The following KLHL1 variants were observed in gnomAD, a reference collection of about 807,000 sequenced individuals.
KLHL1 encodes the protein kelch-like protein 1.
Under a neutral mutation model 77.7 loss-of-function variants are expected in KLHL1, and 47 were observed. That is an observed-to-expected ratio of 0.60 (90% CI 0.48 to 0.77). The LOEUF (loss-of-function observed/expected upper bound fraction) is 0.77, where lower values mean the gene tolerates loss of function less well. Ranked by LOEUF, KLHL1 falls within the 30% of genes least tolerant of loss-of-function variation. The pLI, the probability that KLHL1 is intolerant of heterozygous loss-of-function variation, is 0.00. For missense variants in KLHL1, 925 were observed against 910.8 expected (o/e 1.02, Z -0.20); for synonymous variants, 360 against 325.2 (o/e 1.11, Z -1.15).
At chr13:70,072,706 T>C (rs750753165) in intron 1 of KLHL1, among the ~76,000 whole-genome samples, 18 of 152,098 alleles carry the variant, frequency 1.2e-4, no homozygotes, top group Non-Finnish European at 2.4e-4. Context: ...GGGGATTATA[T>C]CAATAGATGC....
chr13:69,832,646 A>AAACAAC (rs377565783), intron 6 of KLHL1, among the ~76,000 whole-genome samples: 1 of 135,626 alleles, frequency 7.4e-6, no homozygotes, highest in Non-Finnish European at 1.6e-5. Flanking sequence ...AAGCAAGACT[A>AAACAAC]AACAACAACA....
At chr13:70,084,260 C>T (rs901610335) in intron 1 of KLHL1, among the ~76,000 whole-genome samples, 1 of 152,004 alleles carries the variant, frequency 6.6e-6, no homozygotes, top group Admixed American at 6.6e-5. Flanking sequence ...CAGAACTGTG[C>T]CTAGTATATA....
chr13:69,805,681 TG>T (rs932430750), intron 6 of KLHL1, among the ~76,000 whole-genome samples: 3 of 147,186 alleles, frequency 2.0e-5, no homozygotes, highest in Non-Finnish European at 3.0e-5. Flanking sequence ...CAGCTCTAGA[TG>T]AAAAAAAACA....
Position 69,939,378 on chromosome 13 carries a change from T to TATATACACAC in KLHL1, c.1014+661_1014+662insGTGTGTATAT, listed in dbSNP as rs1200160699. Among the ~76,000 whole-genome samples the TATATACACAC allele has an allele frequency of 2.5e-3, 175 of 70,724 alleles. 2 individuals are homozygous for TATATACACAC. The highest frequency in any genetic ancestry group is 3.6e-3 in the African/African-American group (56 of 15,732). The allele number at this position is 70,724 out of a possible 152,430, so 46.4% of individuals were successfully genotyped here. On this transcript the variant is annotated intron_variant, in intron 4 of 10. Transcript: ENST00000377844. Reference sequence around the variant, plus strand: ...ATATATATATATATATATATATATATACACACACACACGCACACACATACA... The same window carrying TATATACACAC: ...ATATATATATATATATATATATATATATATACACACACACACACACACGCACACACATACA...
intron 8 of KLHL1, among the ~76,000 whole-genome samples, chr13:69,734,936 G>A (rs1292641371): frequency 3.3e-5 from 5 of 151,978 alleles, no homozygotes; most frequent in Admixed American, 6.6e-5. Context: ...ATGATGTTAT[G>A]CTAAAATAAG....
chr13:70,048,880 T>C (rs1886564445), intron 1 of KLHL1, among the ~76,000 whole-genome samples: 1 of 152,154 alleles, frequency 6.6e-6, no homozygotes, highest in Non-Finnish European at 1.5e-5. Context: ...CTATAAACAA[T>C]ACTTTGAAAG....
chr13:69,862,979 C>T (rs1880232234), intron 5 of KLHL1, among the ~76,000 whole-genome samples: 1 of 152,024 alleles, frequency 6.6e-6, no homozygotes, highest in South Asian at 2.1e-4. Context: ...ACAATCTAAG[C>T]AAAAAGTATG....
At chr13:70,095,834 C>G (rs60843307) in intron 1 of KLHL1, among the ~76,000 whole-genome samples, 40,788 of 151,766 alleles carry the variant, frequency 0.27, 7,104 homozygotes, top group African/African-American at 0.49. Flanking sequence ...CCTCCACCCC[C>G]CCCACCACAC....
chr13:69,774,325 C>T (rs560505118), intron 7 of KLHL1, among the ~76,000 whole-genome samples: 17 of 151,700 alleles, frequency 1.1e-4, no homozygotes, highest in East Asian at 3.9e-4. Context: ...ACTACATGCA[C>T]GGATATAAAG....
intron 5 of KLHL1, among the ~76,000 whole-genome samples, chr13:69,855,373 T>TAC (rs879930350): frequency 0.037 from 5,505 of 150,688 alleles, 155 homozygotes; most frequent in Non-Finnish European, 0.046. Flanking sequence ...CATAGAGAGA[T>TAC]AGATCTATAG....
At chr13:69,915,542 G>C (rs1356836839) in intron 4 of KLHL1, among the ~76,000 whole-genome samples, 1 of 152,308 alleles carries the variant, frequency 6.6e-6, no homozygotes, top group East Asian at 1.9e-4. Context: ...CTAGCCATAT[G>C]TAGAAAGCTG....
At position 69,886,538 on chromosome 13, in the gene KLHL1, T is replaced by G. The variant is rs571956140; in HGVS notation, c.1015-4043A>C. 1.1e-4 allele frequency among the ~76,000 whole-genome samples: 17 copies of G among 151,870 alleles called. No individual in the cohort carries two copies. In the East Asian group the frequency reaches 3.1e-3, roughly 28 times the overall value. ...TTGAAATTTTATTAGAAATATAAAT[T>G]TTTATATGAAAATTAGCTGAAACCT... On this transcript the variant is annotated intron_variant, in intron 4 of 10. Transcript: ENST00000377844.
At chr13:70,018,635 G>T (rs954601123) in intron 1 of KLHL1, among the ~76,000 whole-genome samples, 1 of 152,208 alleles carries the variant, frequency 6.6e-6, no homozygotes, top group Non-Finnish European at 1.5e-5. Context: ...TACACTTAGT[G>T]CAGTTGTTAA....
At chr13:70,074,833 A>C (rs1055704825) in intron 1 of KLHL1, among the ~76,000 whole-genome samples, 1 of 152,072 alleles carries the variant, frequency 6.6e-6, no homozygotes, top group South Asian at 2.1e-4. Flanking sequence ...AAATAAACAA[A>C]TTTATCACTA....
intron 7 of KLHL1, among the ~76,000 whole-genome samples, chr13:69,746,507 A>G (rs1874219737): frequency 6.6e-6 from 1 of 152,018 alleles, no homozygotes; most frequent in East Asian, 1.9e-4. Flanking sequence ...ACAATGTGCT[A>G]ATCTTTGACT....
At chr13:69,949,335 A>G (rs1398554463) in intron 3 of KLHL1, among the ~76,000 whole-genome samples, 3 of 151,302 alleles carry the variant, frequency 2.0e-5, no homozygotes, top group Non-Finnish European at 4.4e-5. Context: ...TTTTTTAATG[A>G]TTTTGACAGT....
intron 8 of KLHL1, among the ~76,000 whole-genome samples, chr13:69,721,933 C>T (rs1035306723): frequency 6.6e-6 from 1 of 151,958 alleles, no homozygotes; most frequent in Admixed American, 6.6e-5. Context: ...TAATCATTCA[C>T]TTACAAGTTT....
In KLHL1 at chr13:69,719,209, TGAGAGA is replaced by T. The variant is rs1555300511; in HGVS notation, c.2015+154_2015+159del. The stretch of plus-strand genomic sequence containing the variant: ...GTGTGTGTGTGTGTGTGTGTGTGTG[TGAGAGA>T]GAGAGAGAGAGAGAGAGAGAAAGGA... On this transcript the variant is annotated intron_variant, in intron 9 of 10. Transcript: ENST00000377844. 5.2e-4 allele frequency among the ~76,000 whole-genome samples: 19 copies of T among 36,884 alleles called. No individual in the cohort carries two copies. In the South Asian group the frequency reaches 0.016, roughly 30 times the overall value. 24.2% of individuals were successfully genotyped at this position (36,884 alleles called of 152,430 possible). A position where few individuals can be genotyped will look rare whatever the true frequency, so the allele number is the denominator to read the frequency against.
chr13:69,946,191 GAAC>G lies in KLHL1; in HGVS notation c.818-5958_818-5956del, dbSNP rs1883519311. 2.6e-5 allele frequency among the ~76,000 whole-genome samples: 4 copies of G among 152,098 alleles called. No individual in the cohort carries two copies. The South Asian group carries it at 8.3e-4, about 32-fold the overall frequency. ...TTATGTACTAGGTGGGGATAAGGAA[GAAC>G]AACAAGATAGATTGCAAAAGGACAT... On this transcript the variant is annotated intron_variant, in intron 3 of 10. Coordinates refer to ENST00000377844, the MANE Select transcript of KLHL1 (RefSeq NM_020866.3).
Sources: gnomAD v4.1 joint callset for allele counts (sites outside exome capture counted in the v4.1 genomes callset) on GRCh38, gnomAD v4.1.1 for gene constraint, MANE v1.5 for transcripts, NCBI Gene and HGNC (gene_info 2026-07-23, HGNC 2026-07-21) for gene names.